The following MECOM variants were observed in gnomAD, a reference collection of about 807,000 sequenced individuals.
MECOM encodes MDS1 and EVI1 complex locus, also known as histone-lysine N-methyltransferase MECOM.
MECOM carries 13 observed loss-of-function variants against 116.3 expected under a neutral mutation model. The ratio of observed to expected loss-of-function variants is 0.11; its 90% CI spans 0.07 to 0.18. The LOEUF (loss-of-function observed/expected upper bound fraction) is 0.18, where lower values mean the gene tolerates loss of function less well. MECOM is among the 10% of genes least tolerant of loss of function. The pLI, the probability that MECOM is intolerant of heterozygous loss-of-function variation, is 1.00. For missense variants in MECOM, 1,299 were observed against 1,509.0 expected, an observed-to-expected ratio of 0.86 and a Z score of 2.31; for synonymous variants, 528 against 535.2, an observed-to-expected ratio of 0.99 and a Z score of 0.19.
chr3:169,614,521 C>T (rs1008819859), intron 1 of MECOM, among the ~76,000 whole-genome samples: 7 of 152,104 alleles, frequency 4.6e-5, no homozygotes, highest in Admixed American at 1.3e-4. Flanking sequence ...TTACAAATGT[C>T]GGATTCCTTT....
Position 169,397,032 on chromosome 3 carries a change from C to A in MECOM, c.38-15508G>T, listed in dbSNP as rs548942125. 2.0e-5 allele frequency among the ~76,000 whole-genome samples: 3 copies of A among 152,148 alleles called. No homozygotes were observed. In the East Asian group the frequency reaches 5.8e-4, roughly 29 times the overall value. On this transcript the variant is annotated intron_variant, in intron 1 of 16. Coordinates refer to ENST00000651503, the MANE Select transcript of MECOM (RefSeq NM_004991.4). Reference sequence around the variant, plus strand: ...GATGCTCTTGAGCATCTTTTGTAAGCTTTAGAGTAATATACAAATGCCAAA... The same window carrying A: ...GATGCTCTTGAGCATCTTTTGTAAGATTTAGAGTAATATACAAATGCCAAA...
intron 1 of MECOM, among the ~76,000 whole-genome samples, chr3:169,657,511 TTAAA>T (rs1775680894): frequency 1.3e-5 from 2 of 152,240 alleles, no homozygotes; most frequent in African/African-American, 2.4e-5. Context: ...TAGAAACTTG[TTAAA>T]TAGAGTCTGG....
chr3:169,544,812 T>C (rs986209517), intron 1 of MECOM, among the ~76,000 whole-genome samples: 1 of 151,498 alleles, frequency 6.6e-6, no homozygotes, highest in Non-Finnish European at 1.5e-5. Flanking sequence ...TAAGTGGGAG[T>C]TGAACAATGA....
intron 1 of MECOM, among the ~76,000 whole-genome samples, chr3:169,408,586 T>C (rs1048122733): frequency 2.6e-5 from 4 of 152,234 alleles, no homozygotes; most frequent in African/African-American, 9.6e-5. Flanking sequence ...TTTTTTTAGA[T>C]GTGTTCTTTA....
chr3:169,493,605 G>A (rs1186875794), intron 1 of MECOM, among the ~76,000 whole-genome samples: 1 of 151,902 alleles, frequency 6.6e-6, no homozygotes, highest in Non-Finnish European at 1.5e-5. Flanking sequence ...CACATACACT[G>A]GGTGTATATT....
chr3:169,347,768 G>T (rs866994338), intron 2 of MECOM, among the ~76,000 whole-genome samples: 30 of 151,958 alleles, frequency 2.0e-4, no homozygotes, highest in African/African-American at 7.2e-4. Flanking sequence ...TGGATGACAG[G>T]CCTCTGTGAA....
intron 2 of MECOM, among the ~76,000 whole-genome samples, chr3:169,158,738 C>T (rs925940592): frequency 3.9e-5 from 6 of 152,096 alleles, no homozygotes; most frequent in African/African-American, 1.4e-4. Flanking sequence ...CACTGTAGAA[C>T]CTAAGCTCTC....
intron 1 of MECOM, among the ~76,000 whole-genome samples, chr3:169,481,182 A>G (rs890211077): frequency 2.6e-5 from 4 of 152,244 alleles, no homozygotes; most frequent in Non-Finnish European, 5.9e-5. Context: ...TAATGTGTTA[A>G]TCGGTCATGG....
intron 1 of MECOM, among the ~76,000 whole-genome samples, chr3:169,560,459 A>G (rs1762512973): frequency 6.6e-6 from 1 of 152,128 alleles, no homozygotes; most frequent in South Asian, 2.1e-4. Flanking sequence ...ATATTTAACA[A>G]TGCATTTTAC....
At chr3:169,241,129 C>G (rs1355296825) in intron 2 of MECOM, among the ~76,000 whole-genome samples, 1 of 152,094 alleles carries the variant, frequency 6.6e-6, no homozygotes, top group Non-Finnish European at 1.5e-5. Flanking sequence ...TATTAAGCAA[C>G]AATATTTTGA....
At chr3:169,334,062 A>G (rs1723185638) in intron 2 of MECOM, among the ~76,000 whole-genome samples, 1 of 152,086 alleles carries the variant, frequency 6.6e-6, no homozygotes, top group African/African-American at 2.4e-5. Flanking sequence ...ATAAATAAAA[A>G]ACTTTCTAGA....
At chr3:169,416,591 T>C (rs1738635213) in intron 1 of MECOM, among the ~76,000 whole-genome samples, 2 of 151,202 alleles carry the variant, frequency 1.3e-5, no homozygotes, top group Non-Finnish European at 1.5e-5. Flanking sequence ...ATCCAGGAGC[T>C]GTTTTTTTTT....
intron 1 of MECOM, among the ~76,000 whole-genome samples, chr3:169,426,759 G>C (rs1301687481): frequency 6.6e-6 from 1 of 152,194 alleles, no homozygotes; most frequent in African/African-American, 2.4e-5. Flanking sequence ...GATTGTGCAA[G>C]ACAGTCTTCA....
At chr3:169,095,004 C>A (rs1721024409) in intron 13 of MECOM, 72 bp downstream of exon 13, 1 of 1,266,228 alleles carries the variant, frequency 7.9e-7, no homozygotes, top group South Asian at 2.3e-5. Flanking sequence ...GAAGAAAGAT[C>A]ACATTATCTT....
At chr3:169,260,183 T>A (rs1003142554) in intron 2 of MECOM, among the ~76,000 whole-genome samples, 5 of 152,212 alleles carry the variant, frequency 3.3e-5, no homozygotes, top group Non-Finnish European at 2.9e-5. Flanking sequence ...TGACATTTGG[T>A]CCACTAAAAG....
intron 1 of MECOM, among the ~76,000 whole-genome samples, chr3:169,437,211 G>A (rs1560273477): frequency 6.6e-6 from 1 of 152,208 alleles, no homozygotes; most frequent in Non-Finnish European, 1.5e-5. Flanking sequence ...ATCTAATTGG[G>A]GGTGGACAAT....
intron 2 of MECOM, chr3:169,147,283 C>T (rs1191703546): frequency 8.2e-5 from 81 of 985,432 alleles, no homozygotes; most frequent in Non-Finnish European, 6.6e-5. Flanking sequence ...CTCTATCCCC[C>T]TTTCAGATCC....
chr3:169,452,916 G>A (rs1745842348), intron 1 of MECOM, among the ~76,000 whole-genome samples: 1 of 152,120 alleles, frequency 6.6e-6, no homozygotes, highest in Non-Finnish European at 1.5e-5. Flanking sequence ...TTTTTCCATA[G>A]CTTTCATTCC....
intron 1 of MECOM, among the ~76,000 whole-genome samples, chr3:169,424,881 A>AAC (rs1476780188): frequency 1.3e-5 from 2 of 152,108 alleles, no homozygotes; most frequent in African/African-American, 4.8e-5. Flanking sequence ...GCAGATTATT[A>AAC]CAGTCAAACA....
Sources: gnomAD v4.1 joint callset for allele counts (sites outside exome capture counted in the v4.1 genomes callset) on GRCh38, gnomAD v4.1.1 for gene constraint, MANE v1.5 for transcripts, NCBI Gene and HGNC (gene_info 2026-07-23, HGNC 2026-07-21) for gene names.